The following SLC27A4 variants were observed in gnomAD, a reference collection of about 807,000 sequenced individuals.
SLC27A4 encodes the protein solute carrier family 27 member 4, also known as long-chain fatty acid transport protein 4.
SLC27A4 carries 33 observed loss-of-function variants against 64.4 expected under a neutral mutation model. The ratio of observed to expected loss-of-function variants is 0.51; its 90% CI spans 0.39 to 0.68. The LOEUF is 0.68. Among genes scored for constraint, SLC27A4 ranks in the 30% least tolerant of loss-of-function variants. The probability of loss-of-function intolerance (pLI) is 0.00; values close to 1 mark genes in which losing one functional copy is unlikely to be tolerated. For missense variants in SLC27A4, 824 were observed against 883.5 expected, an observed-to-expected ratio of 0.93 and a Z score of 0.85; for synonymous variants, 377 against 370.0, an observed-to-expected ratio of 1.02 and a Z score of -0.22.
At chr9:128,342,631 A>G in intron 1 of SLC27A4, 1 of 444,050 alleles carries the variant, frequency 2.3e-6, no homozygotes, top group Admixed American at 3.6e-5. Context: ...CTAGAGTAAA[A>G]CCAGGCTGGC....
intron 12 of SLC27A4, among the ~76,000 whole-genome samples, chr9:128,359,813 A>G (rs1039986799): frequency 3.9e-5 from 6 of 152,240 alleles, no homozygotes; most frequent in Non-Finnish European, 7.3e-5. Context: ...TCAATAAAAA[A>G]GAAAAAAATA....
intron 12 of SLC27A4, 51 bp from the exon 13 acceptor site, chr9:128,360,283 T>C: frequency 1.2e-6 from 2 of 1,608,434 alleles, no homozygotes; most frequent in South Asian, 1.1e-5. Flanking sequence ...GTTGGGAAGC[T>C]GGGAGCTCGG....
At chr9:128,357,507 G>A (rs896510229) in intron 12 of SLC27A4, among the ~76,000 whole-genome samples, 12 of 152,198 alleles carry the variant, frequency 7.9e-5, no homozygotes, top group Non-Finnish European at 2.9e-5. Context: ...TCTGGCTGCT[G>A]TGTACGGAGT....
intron 12 of SLC27A4, among the ~76,000 whole-genome samples, chr9:128,357,757 T>G (rs1349579375): frequency 6.6e-6 from 1 of 152,228 alleles, no homozygotes; most frequent in Non-Finnish European, 1.5e-5. Flanking sequence ...CCTCCCTGGC[T>G]GCTCACCCTT....
At chr9:128,354,177 C>G (rs1159198700) in intron 9 of SLC27A4, among the ~76,000 whole-genome samples, 1 of 152,074 alleles carries the variant, frequency 6.6e-6, no homozygotes, top group African/African-American at 2.4e-5. Context: ...CTCCTGACTT[C>G]AAGTGATCCA....
intron 4 of SLC27A4, among the ~76,000 whole-genome samples, chr9:128,349,655 G>A (rs564726532): frequency 1.3e-5 from 2 of 152,282 alleles, no homozygotes; most frequent in East Asian, 1.9e-4. Flanking sequence ...CAGAGAGCAT[G>A]AGGTGTCTCG....
rs780494359 is a variant in SLC27A4, at chr9:128,355,486, C to T, written c.1551C>T (p.Ser517=). The stretch of plus-strand genomic sequence containing the variant: ...TCCGCTGGAAAGGTGAGAACGTGTC[C>T]ACCACCGAGGTGGAAGGCACACTCA... ...DTFRWKGENV[S]TTEVEGTLSR... The change falls in exon 11 of 13, where the codon TCC becomes TCT. Residue 517 remains serine (S), a synonymous_variant. Transcript: ENST00000300456. 5.0e-6 allele frequency: 8 copies of T among 1,613,366 alleles called. No individual in the cohort carries two copies. Among genetic ancestry groups the T allele is most frequent in the Non-Finnish European group, 8.5e-7 (1 of 1,180,016 alleles).
At chr9:128,346,810 G>A (rs935690060) in intron 3 of SLC27A4, among the ~76,000 whole-genome samples, 1 of 151,258 alleles carries the variant, frequency 6.6e-6, no homozygotes. Flanking sequence ...GACCAGCCTG[G>A]CCAACATGGT....
Position 128,360,723 on chromosome 9 carries a change from C to A in SLC27A4, c.*232C>A. The A allele has an allele frequency of 1.8e-6, 1 of 560,756 alleles. No homozygotes were observed. Among genetic ancestry groups the A allele is most frequent in the Non-Finnish European group, 3.2e-6 (1 of 312,482 alleles). 34.7% of individuals were successfully genotyped at this position (560,756 alleles called of 1,614,324 possible). A position where few individuals can be genotyped will look rare whatever the true frequency, so the allele number is the denominator to read the frequency against. ...CCGTCTTCTGGGCTGGGCAGGCCCTCTGGTTCCCAGGCTGAGACTGACGGG... is the reference window on the plus strand; with the variant it reads ...CCGTCTTCTGGGCTGGGCAGGCCCTATGGTTCCCAGGCTGAGACTGACGGG... On this transcript the variant is annotated 3_prime_UTR_variant, in exon 13 of 13. Transcript: ENST00000300456.
intron 12 of SLC27A4, 122 bp downstream of exon 12, chr9:128,355,918 C>T: frequency 7.6e-7 from 1 of 1,320,988 alleles, no homozygotes. Flanking sequence ...GGTAAAGTGA[C>T]CTGCCTGTGT....
At chr9:128,360,298 C>T in intron 12 of SLC27A4, 36 bp from the exon 13 acceptor site, 1 of 1,613,326 alleles carries the variant, frequency 6.2e-7, no homozygotes, top group Non-Finnish European at 8.5e-7. Flanking sequence ...GCTCGGGCCC[C>T]TGCCCTGCAC....
At chr9:128,360,215 C>T in intron 12 of SLC27A4, 119 bp from the exon 13 acceptor site, 2 of 1,146,436 alleles carry the variant, frequency 1.7e-6, no homozygotes, top group South Asian at 1.2e-5. Flanking sequence ...GCCTCCTCCC[C>T]CACTTCCCTC....
At chr9:128,348,463 A>G (rs1712804612) in intron 3 of SLC27A4, 82 bp from the exon 4 acceptor site, 1 of 1,562,964 alleles carries the variant, frequency 6.4e-7, no homozygotes, top group Non-Finnish European at 8.8e-7. Flanking sequence ...CCTCAGCAAC[A>G]TGGCCAGCCC....
intron 2 of SLC27A4, among the ~76,000 whole-genome samples, chr9:128,344,830 A>G (rs1167651340): frequency 6.6e-6 from 1 of 152,164 alleles, no homozygotes; most frequent in East Asian, 1.9e-4. Context: ...CTGAGAGGGT[A>G]GGAGTAGAAC....
chr9:128,360,552 G>A lies in SLC27A4; in HGVS notation c.*61G>A, dbSNP rs1294805779. The A allele has an allele frequency of 6.3e-7, 1 of 1,593,640 alleles. No individual in the cohort carries two copies. The highest frequency in any genetic ancestry group is 1.3e-5 in the African/African-American group (1 of 74,484). Reference sequence around the variant, plus strand: ...ATCCGGAGCCCCAGGTTCCGCCCCAGAGCGGTCCTGGACAAGGCCAGACCA... The same window carrying A: ...ATCCGGAGCCCCAGGTTCCGCCCCAAAGCGGTCCTGGACAAGGCCAGACCA... On this transcript the variant is annotated 3_prime_UTR_variant, in exon 13 of 13. Transcript: ENST00000300456.
intron 3 of SLC27A4, among the ~76,000 whole-genome samples, chr9:128,348,195 T>G (rs1832685177): frequency 1.3e-5 from 2 of 152,066 alleles, no homozygotes; most frequent in Middle Eastern, 3.4e-3. Flanking sequence ...GACCTTGATG[T>G]GAGGTAGAGC....
At chr9:128,355,306 CA>C in intron 10 of SLC27A4, 91 bp from the exon 11 acceptor site, 3 of 1,602,690 alleles carry the variant, frequency 1.9e-6, no homozygotes, top group Non-Finnish European at 2.6e-6. Context: ...TGTGGTCAAA[CA>C]AATCCTTGGG....
Position 128,343,200 on chromosome 9 carries a change from C to G in SLC27A4, c.68C>G (p.Thr23Ser), listed in dbSNP as rs1196110578. 6.2e-7 allele frequency: 1 copy of G among 1,614,150 alleles called. No individual in the cohort carries two copies. The highest frequency in any genetic ancestry group is 2.2e-5 in the East Asian group (1 of 44,884). Residue 23 changes from threonine to serine, a missense_variant, in exon 2 of 13, where the codon ACC becomes AGC. Physicochemically the swap from Thr to Ser is moderately conservative, Grantham distance 58. Transcript: ENST00000300456. ...FSKLVLKLPW[T>S]QVGFSLLFLY... The stretch of plus-strand genomic sequence containing the variant: ...AAGCTGGTGCTGAAACTGCCCTGGA[C>G]CCAGGTGGGATTCTCCCTGTTGTTC...
intron 12 of SLC27A4, among the ~76,000 whole-genome samples, chr9:128,356,393 G>A (rs1832820395): frequency 6.6e-6 from 1 of 152,256 alleles, no homozygotes; most frequent in Non-Finnish European, 1.5e-5. Context: ...CCAAGTGAGA[G>A]GGGCAGGCAG....
Sources: gnomAD v4.1 joint callset for allele counts (sites outside exome capture counted in the v4.1 genomes callset) on GRCh38, gnomAD v4.1.1 for gene constraint, MANE v1.5 for transcripts, NCBI Gene and HGNC (gene_info 2026-07-23, HGNC 2026-07-21) for gene names.